Variants in SVOPL observed in about 807,000 individuals in gnomAD.
SVOPL encodes putative transporter SVOPL.
In SVOPL, 60 loss-of-function variants were observed where a neutral mutation model predicts 61.0. The observed-to-expected ratio is 0.98, with a 90% confidence interval of 0.80 to 1.22. The LOEUF (loss-of-function observed/expected upper bound fraction) is 1.22. Among genes scored for constraint, SVOPL ranks in the 50% most tolerant of loss-of-function variants. The pLI, the probability that SVOPL is intolerant of heterozygous loss-of-function variation, is 0.00. For synonymous variants in SVOPL, 279 were observed against 250.0 expected, an observed-to-expected ratio of 1.12 and a Z score of -1.09; for missense variants, 662 against 643.9, an observed-to-expected ratio of 1.03 and a Z score of -0.30.
chr7:138,676,435 C>T (rs1000945807), intron 3 of SVOPL, among the ~76,000 whole-genome samples: 10 of 151,824 alleles, frequency 6.6e-5, no homozygotes, highest in African/African-American at 2.4e-4. Flanking sequence ...TCGTGTCCTT[C>T]GAGAGTGGAG....
intron 14 of SVOPL, among the ~76,000 whole-genome samples, chr7:138,614,697 G>A (rs1001045519): frequency 1.3e-5 from 2 of 152,112 alleles, no homozygotes; most frequent in Admixed American, 1.3e-4. Flanking sequence ...CGCCCGGCTG[G>A]CATTTGAACT....
intron 5 of SVOPL, 156 bp from the exon 6 acceptor site, chr7:138,660,144 C>T: frequency 7.0e-7 from 1 of 1,430,582 alleles, no homozygotes. Context: ...AATCATCCAA[C>T]AATACAATCC....
At chr7:138,616,577 C>A (rs1799314034) in intron 14 of SVOPL, among the ~76,000 whole-genome samples, 1 of 152,114 alleles carries the variant, frequency 6.6e-6, no homozygotes, top group Non-Finnish European at 1.5e-5. Context: ...CTCAGGTAAT[C>A]CACCGGCCTC....
intron 7 of SVOPL, among the ~76,000 whole-genome samples, chr7:138,655,858 A>G (rs1020570760): frequency 6.6e-6 from 1 of 152,148 alleles, no homozygotes; most frequent in African/African-American, 2.4e-5. Context: ...TGAAATTACA[A>G]CAAAGAATTT....
chr7:138,660,032 G>T (rs184733768), intron 5 of SVOPL, 44 bp from the exon 6 acceptor site: 1 of 1,546,854 alleles, frequency 6.5e-7, no homozygotes. Flanking sequence ...GCCTCAATGC[G>T]GGGAGGGAAG....
intron 6 of SVOPL, among the ~76,000 whole-genome samples, chr7:138,658,288 C>T (rs1005578376): frequency 1.3e-5 from 2 of 152,082 alleles, no homozygotes; most frequent in African/African-American, 2.4e-5. Context: ...GACATATTCC[C>T]CCCCCTCCCT....
chr7:138,622,846 G>C (rs1799733104), intron 13 of SVOPL, among the ~76,000 whole-genome samples: 1 of 152,148 alleles, frequency 6.6e-6, no homozygotes, highest in South Asian at 2.1e-4. Flanking sequence ...ATTCTTAAAG[G>C]AACTAGAAGT....
intron 1 of SVOPL, among the ~76,000 whole-genome samples, chr7:138,691,360 A>G (rs1190401040): frequency 6.8e-6 from 1 of 147,976 alleles, no homozygotes; most frequent in South Asian, 2.2e-4. Context: ...TCTATCAGTC[A>G]TGTTTTATGA....
rs752747718 is a variant in SVOPL at position 138,644,731 on chromosome 7, C to T, written c.775G>A (p.Val259Met). The change falls in exon 9 of 16, where the codon GTG becomes ATG. Residue 259 changes from valine (V) to methionine (M), a missense_variant. Physicochemically the swap from Val to Met is conservative, Grantham distance 21. Coordinates refer to ENST00000674285, the MANE Select transcript of SVOPL (RefSeq NM_001139456.2). ...NRSVMPEGKL[V>M]EPVLEKRGRF... The stretch of plus-strand genomic sequence containing the variant: ...CCAGCACTCACCAGGACGGGCTCCA[C>T]CAGCTTCCCCTCCGGCATGACCGAG... 5 of 1,614,026 alleles carry T rather than the reference C, an allele frequency of 3.1e-6. No individual in the cohort carries two copies. The highest frequency in any genetic ancestry group is 1.6e-4 in the Middle Eastern group (1 of 6,076).
At chr7:138,641,671 CAA>C (rs34649341) in intron 9 of SVOPL, among the ~76,000 whole-genome samples, 2 of 101,414 alleles carry the variant, frequency 2.0e-5, no homozygotes, top group Non-Finnish European at 3.6e-5. Flanking sequence ...AACTCCATCT[CAA>C]AAAAAAAAAA....
chr7:138,676,291 G>A (rs1802558140), intron 3 of SVOPL, among the ~76,000 whole-genome samples: 1 of 152,338 alleles, frequency 6.6e-6, no homozygotes, highest in South Asian at 2.1e-4. Flanking sequence ...TAGTCCATTT[G>A]TGCTGCTATC....
chr7:138,623,570 A>G (rs910126730), intron 13 of SVOPL, among the ~76,000 whole-genome samples: 20 of 152,234 alleles, frequency 1.3e-4, no homozygotes, highest in African/African-American at 4.3e-4. Context: ...ACTGCACTCC[A>G]GCCTGGGCGA....
chr7:138,595,172 T>C (rs1798229526), intron 15 of SVOPL, among the ~76,000 whole-genome samples: 1 of 152,056 alleles, frequency 6.6e-6, no homozygotes, highest in Non-Finnish European at 1.5e-5. Context: ...TTGACCAGGT[T>C]GGTTCATCCA....
chr7:138,621,431 G>A (rs1318677413), intron 13 of SVOPL, among the ~76,000 whole-genome samples: 1 of 152,214 alleles, frequency 6.6e-6, no homozygotes, highest in African/African-American at 2.4e-5. Flanking sequence ...TCAGAGAGAA[G>A]AGTGCCACTT....
chr7:138,670,752 A>T (rs74946286), intron 4 of SVOPL, among the ~76,000 whole-genome samples: 3,466 of 152,164 alleles, frequency 0.023, 63 homozygotes, highest in South Asian at 0.036. Context: ...AGTTGGCTCT[A>T]TTGGGGCACT....
intron 11 of SVOPL, 148 bp from the exon 12 acceptor site, chr7:138,627,609 G>A (rs1799950491): frequency 4.7e-6 from 3 of 633,208 alleles, no homozygotes; most frequent in African/African-American, 1.8e-5. Context: ...CAGTCACGTT[G>A]TCATCAATTT....
At chr7:138,697,318 T>A (rs1173328796) in intron 1 of SVOPL, among the ~76,000 whole-genome samples, 2 of 151,676 alleles carry the variant, frequency 1.3e-5, no homozygotes, top group African/African-American at 4.8e-5. Flanking sequence ...CAAGAAAAAA[T>A]TGCCAAAAAA....
chr7:138,672,206 C>T, intron 3 of SVOPL, 89 bp from the exon 4 acceptor site: 2 of 1,227,844 alleles, frequency 1.6e-6, no homozygotes, highest in South Asian at 1.3e-5. Flanking sequence ...CTACCTAGTC[C>T]TGTCCCCTTT....
At chr7:138,695,693 C>T (rs144058378) in intron 1 of SVOPL, among the ~76,000 whole-genome samples, 6 of 151,882 alleles carry the variant, frequency 4.0e-5, no homozygotes, top group East Asian at 1.9e-4. Context: ...AAAAGGGTGA[C>T]GTTAGAATTA....
Sources: gnomAD v4.1 joint callset for allele counts (sites outside exome capture counted in the v4.1 genomes callset) on GRCh38, gnomAD v4.1.1 for gene constraint, MANE v1.5 for transcripts, NCBI Gene and HGNC (gene_info 2026-07-23, HGNC 2026-07-21) for gene names.